AUTS2: variants seen among roughly 807,000 people sequenced by gnomAD.
The protein encoded by AUTS2 is activator of transcription and developmental regulator AUTS2, also known as autism susceptibility gene 2 protein.
A neutral mutation model predicts 112.4 loss-of-function variants in AUTS2; 17 were observed. The ratio of observed to expected loss-of-function variants is 0.15; its 90% CI spans 0.10 to 0.23. The LOEUF (loss-of-function observed/expected upper bound fraction) is 0.23, where lower values mean the gene tolerates loss of function less well. Ranked by LOEUF, AUTS2 falls within the 10% of genes least tolerant of loss-of-function variation. AUTS2 has a pLI of 1.00. For synonymous variants in AUTS2, 751 were observed against 702.7 expected (o/e 1.07, Z -1.09); for missense variants, 1,510 against 1,701.6 (o/e 0.89, Z 1.98).
chr7:70,135,313 A>T (rs1026734318), intron 4 of AUTS2, among the ~76,000 whole-genome samples: 1 of 152,176 alleles, frequency 6.6e-6, no homozygotes, highest in African/African-American at 2.4e-5. Flanking sequence ...AAAGAGTGAC[A>T]AATAAGCATT....
At chr7:70,491,972 T>C (rs6969088) in intron 5 of AUTS2, among the ~76,000 whole-genome samples, 48,931 of 151,944 alleles carry the variant, frequency 0.32, 8,254 homozygotes, top group African/African-American at 0.4. Flanking sequence ...TAGGAAGCAC[T>C]AGATGTTTTA....
chr7:69,931,664 C>T (rs1371985098), intron 2 of AUTS2, among the ~76,000 whole-genome samples: 1 of 152,118 alleles, frequency 6.6e-6, no homozygotes, highest in Non-Finnish European at 1.5e-5. Flanking sequence ...TTTGTCATGG[C>T]AGTCTTACTT....
intron 1 of AUTS2, among the ~76,000 whole-genome samples, chr7:69,602,648 C>T (rs928800845): frequency 7.2e-5 from 11 of 152,096 alleles, no homozygotes; most frequent in African/African-American, 2.2e-4. Flanking sequence ...CACCAAAACC[C>T]GCACAGCAGT....
At chr7:70,560,366 C>G (rs1296179425) in intron 5 of AUTS2, among the ~76,000 whole-genome samples, 4 of 152,158 alleles carry the variant, frequency 2.6e-5, no homozygotes, top group Admixed American at 2.6e-4. Context: ...GTTGGTGCCA[C>G]AAGGACAGGG....
chr7:70,303,649 A>G (rs1789350017), intron 4 of AUTS2, among the ~76,000 whole-genome samples: 1 of 152,132 alleles, frequency 6.6e-6, no homozygotes, highest in African/African-American at 2.4e-5. Flanking sequence ...AAGACACTCC[A>G]GAGGGTGCTA....
intron 4 of AUTS2, among the ~76,000 whole-genome samples, chr7:70,178,629 G>A (rs775684399): frequency 3.9e-5 from 6 of 151,926 alleles, no homozygotes; most frequent in Non-Finnish European, 5.9e-5. Context: ...ACGAATCCCC[G>A]TCTCTACTAA....
chr7:70,443,249 A>G (rs1017532931), intron 5 of AUTS2, among the ~76,000 whole-genome samples: 2 of 152,226 alleles, frequency 1.3e-5, no homozygotes, highest in Non-Finnish European at 2.9e-5. Flanking sequence ...AGAAGAAAGA[A>G]CAGGTTCTAG....
intron 2 of AUTS2, among the ~76,000 whole-genome samples, chr7:70,014,141 A>G (rs930931859): frequency 6.6e-6 from 1 of 152,214 alleles, no homozygotes; most frequent in African/African-American, 2.4e-5. Flanking sequence ...TAACTATAAA[A>G]ATGAGTGTAA....
chr7:69,852,325 T>C (rs981351003), intron 1 of AUTS2, among the ~76,000 whole-genome samples: 4 of 152,198 alleles, frequency 2.6e-5, no homozygotes, highest in Admixed American at 2.6e-4. Flanking sequence ...AATATTTTGT[T>C]AAGGACTTTT....
chr7:69,645,910 G>C (rs1026295108), intron 1 of AUTS2, among the ~76,000 whole-genome samples: 1 of 151,920 alleles, frequency 6.6e-6, no homozygotes, highest in Admixed American at 6.5e-5. Flanking sequence ...ATGGACTAGA[G>C]GTCAGGACTC....
rs555950433 is a variant in AUTS2 at position 70,426,712 on chromosome 7, A to G, written c.661-9040A>G. On this transcript the variant is annotated intron_variant, in intron 4 of 18. Coordinates refer to ENST00000342771, the MANE Select transcript of AUTS2 (RefSeq NM_015570.4). ...TGGCACTTTTGCATCGGGTAATGCG[A>G]TAAGTTCTATTAGCATGTTCCATTT... Among the ~76,000 whole-genome samples, 7 of 152,332 alleles carry G rather than the reference A, an allele frequency of 4.6e-5. No individual in the cohort carries two copies. The East Asian group carries it at 9.6e-4, about 21-fold the overall frequency.
At chr7:70,367,106 C>T (rs543453510) in intron 4 of AUTS2, among the ~76,000 whole-genome samples, 3 of 152,040 alleles carry the variant, frequency 2.0e-5, no homozygotes, top group Middle Eastern at 3.2e-3. Flanking sequence ...CCAACATTTG[C>T]GAAACCCCGT....
At chr7:69,917,298 T>C (rs1346730996) in intron 2 of AUTS2, among the ~76,000 whole-genome samples, 1 of 151,570 alleles carries the variant, frequency 6.6e-6, no homozygotes, top group African/African-American at 2.4e-5. Flanking sequence ...TCTTTTTTTT[T>C]TTTTTTGGTG....
intron 6 of AUTS2, 62 bp from the exon 7 acceptor site, chr7:70,762,808 C>A (rs1438994949): frequency 2.1e-5 from 26 of 1,246,000 alleles, no homozygotes; most frequent in South Asian, 8.8e-5. Flanking sequence ...GTTTCCTTTC[C>A]CTCCTTATGC....
chr7:70,719,977 G>A (rs547748960), intron 6 of AUTS2, among the ~76,000 whole-genome samples: 1 of 152,242 alleles, frequency 6.6e-6, no homozygotes, highest in South Asian at 2.1e-4. Context: ...CCTAGGAATG[G>A]GAATTTTACA....
rs541441593 is a variant in AUTS2, at chr7:69,774,223, G to GC, written c.310-125062dup. Among the ~76,000 whole-genome samples the GC allele has an allele frequency of 6.6e-5, 10 of 152,262 alleles. No individual in the cohort carries two copies. In the South Asian group the frequency reaches 2.1e-3, roughly 32 times the overall value. On this transcript the variant is annotated intron_variant, in intron 1 of 18. Coordinates refer to ENST00000342771, the MANE Select transcript of AUTS2 (RefSeq NM_015570.4). ...GGCCAGAAGTTTGAGACCAGCCTGGGCAACGTAGACCTCCGTCTCTTAAAA... is the reference window on the plus strand; with the variant it reads ...GGCCAGAAGTTTGAGACCAGCCTGGGCCAACGTAGACCTCCGTCTCTTAAAA...
intron 2 of AUTS2, among the ~76,000 whole-genome samples, chr7:69,966,034 G>A (rs1239263857): frequency 5.3e-5 from 8 of 152,144 alleles, no homozygotes; most frequent in Admixed American, 4.6e-4. Context: ...TCTTTCAGTG[G>A]TAATCACGCC....
chr7:69,854,167 T>C (rs1007893214), intron 1 of AUTS2, among the ~76,000 whole-genome samples: 1 of 152,156 alleles, frequency 6.6e-6, no homozygotes, highest in Non-Finnish European at 1.5e-5. Flanking sequence ...ATTAAGTACC[T>C]TGTAATTGCC....
At chr7:70,551,514 A>AG (rs1476082761) in intron 5 of AUTS2, among the ~76,000 whole-genome samples, 1 of 152,318 alleles carries the variant, frequency 6.6e-6, no homozygotes, top group Non-Finnish European at 1.5e-5. Flanking sequence ...AAGTTTCAGT[A>AG]GGGGGGCATT....
Sources: gnomAD v4.1 joint callset for allele counts (sites outside exome capture counted in the v4.1 genomes callset) on GRCh38, gnomAD v4.1.1 for gene constraint, MANE v1.5 for transcripts, NCBI Gene and HGNC (gene_info 2026-07-23, HGNC 2026-07-21) for gene names.